The following SGCZ variants were observed in gnomAD, a reference collection of about 807,000 sequenced individuals.
The protein encoded by SGCZ is sarcoglycan zeta.
SGCZ carries 40 observed loss-of-function variants against 41.3 expected under a neutral mutation model. That is an observed-to-expected ratio of 0.97 (90% CI 0.75 to 1.26). The LOEUF (loss-of-function observed/expected upper bound fraction) is 1.26. SGCZ is among the 50% of genes most tolerant of loss of function. The probability of loss-of-function intolerance (pLI) is 0.00; values close to 1 mark genes in which losing one functional copy is unlikely to be tolerated. For synonymous variants in SGCZ, 206 were observed against 137.5 expected (o/e 1.50, Z -3.49); for missense variants, 552 against 369.8 (o/e 1.49, Z -4.04).
intron 1 of SGCZ, among the ~76,000 whole-genome samples, chr8:14,817,341 T>C (rs1262376918): frequency 6.6e-6 from 1 of 152,064 alleles, no homozygotes; most frequent in Admixed American, 6.5e-5. Context: ...TGCCACAAAA[T>C]ACAAGCAATC....
intron 2 of SGCZ, among the ~76,000 whole-genome samples, chr8:14,400,847 G>A (rs1467645215): frequency 6.6e-6 from 1 of 152,100 alleles, no homozygotes; most frequent in South Asian, 2.1e-4. Flanking sequence ...TAGCATGGCA[G>A]CACAAGTTAA....
At chr8:14,221,874 T>C (rs958586528) in intron 4 of SGCZ, among the ~76,000 whole-genome samples, 4 of 150,646 alleles carry the variant, frequency 2.7e-5, no homozygotes, top group Admixed American at 2.0e-4. Flanking sequence ...GGCAGGAAAA[T>C]CGCTTGAACC....
At chr8:14,988,421 G>A (rs573555050) in intron 1 of SGCZ, among the ~76,000 whole-genome samples, 1 of 151,722 alleles carries the variant, frequency 6.6e-6, no homozygotes, top group African/African-American at 2.4e-5. Flanking sequence ...CTTCCTTAGT[G>A]TTTCTATAGA....
Position 14,735,403 on chromosome 8 carries a change from C to G in SGCZ, c.40-180477G>C, listed in dbSNP as rs935858196. 3.3e-5 allele frequency among the ~76,000 whole-genome samples: 5 copies of G among 152,302 alleles called. No individual in the cohort carries two copies. The East Asian group carries it at 9.7e-4, about 30-fold the overall frequency. Reference sequence around the variant, plus strand: ...AGCAGGTGGAAGAAGGTGGGATAAGCTGATTTACTGAGTTTTCTGGTTTTC... The same window carrying G: ...AGCAGGTGGAAGAAGGTGGGATAAGGTGATTTACTGAGTTTTCTGGTTTTC... On this transcript the variant is annotated intron_variant, in intron 1 of 7. Coordinates refer to ENST00000382080, the MANE Select transcript of SGCZ (RefSeq NM_139167.4).
In SGCZ at chr8:14,172,488, G is replaced by A. The variant is rs982747101; in HGVS notation, c.425-7786C>T. 9.9e-5 allele frequency among the ~76,000 whole-genome samples: 15 copies of A among 152,150 alleles called. 1 individual carries two copies. The highest frequency in any genetic ancestry group is 4.6e-4 in the Admixed American group (7 of 15,268). ...AGGATTATTGGTTAACAGCACGAAC[G>A]GCGCCATGCCTCTCAAAGGCCATGG... On this transcript the variant is annotated intron_variant, in intron 4 of 7. Transcript: ENST00000382080.
rs189593069 is a variant in SGCZ, at chr8:14,311,701, T to A, written c.336+12402A>T. Among the ~76,000 whole-genome samples the A allele has an allele frequency of 7.9e-5, 12 of 152,322 alleles. No homozygotes were observed. In the East Asian group the frequency reaches 2.3e-3, roughly 29 times the overall value. On this transcript the variant is annotated intron_variant, in intron 3 of 7. Coordinates refer to ENST00000382080, the MANE Select transcript of SGCZ (RefSeq NM_139167.4). ...TGCAAAGCATTCTGTTTGTCTAAAG[T>A]GATGGAGAAGTATATTTTCAAAGAT... is the stretch of plus-strand genomic sequence containing the variant.
At chr8:14,986,347 G>A (rs1267960126) in intron 1 of SGCZ, among the ~76,000 whole-genome samples, 2 of 151,842 alleles carry the variant, frequency 1.3e-5, no homozygotes, top group African/African-American at 4.8e-5. Flanking sequence ...ATTTACTTCG[G>A]CGCACACAAA....
chr8:15,094,987 A>G (rs1457382457), intron 1 of SGCZ, among the ~76,000 whole-genome samples: 1 of 152,216 alleles, frequency 6.6e-6, no homozygotes. Flanking sequence ...GACTAGTACA[A>G]GGAGCCACAG....
intron 3 of SGCZ, among the ~76,000 whole-genome samples, chr8:14,276,417 C>T (rs995235006): frequency 2.6e-5 from 4 of 152,050 alleles, no homozygotes; most frequent in African/African-American, 4.8e-5. Context: ...ATGACTGAAG[C>T]GATTGTTAAT....
At chr8:14,265,701 C>T (rs1191334595) in intron 3 of SGCZ, among the ~76,000 whole-genome samples, 1 of 149,470 alleles carries the variant, frequency 6.7e-6, no homozygotes, top group East Asian at 2.0e-4. Context: ...TAAGCAAACT[C>T]AACATGGTCC....
chr8:14,947,030 C>G (rs1431627522), intron 1 of SGCZ, among the ~76,000 whole-genome samples: 2 of 151,346 alleles, frequency 1.3e-5, no homozygotes, highest in Admixed American at 1.3e-4. Flanking sequence ...GAAGGAAAAC[C>G]AAAAAAATCT....
intron 1 of SGCZ, among the ~76,000 whole-genome samples, chr8:14,869,870 A>T (rs1444195266): frequency 6.6e-6 from 1 of 152,160 alleles, no homozygotes; most frequent in Non-Finnish European, 1.5e-5. Flanking sequence ...TCCAACTTAC[A>T]AGGAATGTGA....
rs568745309 is a variant in SGCZ, at chr8:15,132,954, A to G, written c.39+104631T>C. On this transcript the variant is annotated intron_variant, in intron 1 of 7. Coordinates refer to ENST00000382080, the MANE Select transcript of SGCZ (RefSeq NM_139167.4). Reference sequence around the variant, plus strand: ...CCAAGAGTTCAAGATCAGCCTGGCAACATGATGAAACCCCATATCTACAAA... The same window carrying G: ...CCAAGAGTTCAAGATCAGCCTGGCAGCATGATGAAACCCCATATCTACAAA... Among the ~76,000 whole-genome samples, 6 of 152,282 alleles carry G rather than the reference A, an allele frequency of 3.9e-5. No individual in the cohort carries two copies. In the East Asian group the frequency reaches 1.2e-3, roughly 29 times the overall value.
At chr8:14,111,203 C>G (rs964136783) in intron 5 of SGCZ, among the ~76,000 whole-genome samples, 1 of 152,074 alleles carries the variant, frequency 6.6e-6, no homozygotes, top group Non-Finnish European at 1.5e-5. Context: ...TTCAGATAAA[C>G]ATCAAATCAT....
chr8:14,534,371 G>T (rs957418111), intron 2 of SGCZ, among the ~76,000 whole-genome samples: 1 of 151,908 alleles, frequency 6.6e-6, no homozygotes, highest in Non-Finnish European at 1.5e-5. Flanking sequence ...ATACATGAGA[G>T]GAAATTAGTG....
chr8:14,440,757 ACG>A (rs1800233538), intron 2 of SGCZ, among the ~76,000 whole-genome samples: 1 of 147,720 alleles, frequency 6.8e-6, no homozygotes, highest in Non-Finnish European at 1.5e-5. Flanking sequence ...ATACGTATAC[ACG>A]TATATGTATA....
chr8:14,143,092 A>G (rs1405914945), intron 5 of SGCZ, among the ~76,000 whole-genome samples: 2 of 152,156 alleles, frequency 1.3e-5, no homozygotes, highest in African/African-American at 4.8e-5. Flanking sequence ...GCAGAATAGC[A>G]TTTGGTGCTT....
intron 1 of SGCZ, among the ~76,000 whole-genome samples, chr8:14,781,266 G>A (rs1312205753): frequency 6.6e-6 from 1 of 151,948 alleles, no homozygotes; most frequent in Non-Finnish European, 1.5e-5. Flanking sequence ...AGGTCTCATT[G>A]TGTCACCCAG....
intron 1 of SGCZ, among the ~76,000 whole-genome samples, chr8:15,010,980 C>A (rs1335980348): frequency 6.6e-6 from 1 of 152,190 alleles, no homozygotes; most frequent in Non-Finnish European, 1.5e-5. Context: ...AGTGCTTCAT[C>A]TATTGTGCAG....
Sources: allele counts gnomAD v4.1 joint callset (sites outside exome capture counted in the v4.1 genomes callset), GRCh38; gene constraint gnomAD v4.1.1; transcripts MANE v1.5; gene names NCBI Gene and HGNC (gene_info 2026-07-23, HGNC 2026-07-21).